The following DBF4 variants were observed in gnomAD, a reference collection of about 807,000 sequenced individuals.
DBF4 encodes the protein protein DBF4 homolog A.
In DBF4, 25 loss-of-function variants were observed where a neutral mutation model predicts 76.6. The observed-to-expected ratio is 0.33, with a 90% CI of 0.24 to 0.46. DBF4 has a LOEUF of 0.46. DBF4 is among the 20% of genes least tolerant of loss of function. The pLI, the probability that DBF4 is intolerant of heterozygous loss-of-function variation, is 1.00. For missense variants in DBF4, 638 were observed against 760.8 expected (o/e 0.84, Z 1.90); for synonymous variants, 213 against 258.0 (o/e 0.83, Z 1.67).
At chr7:87,906,709 T>C (rs997086434) in intron 11 of DBF4, among the ~76,000 whole-genome samples, 9 of 152,238 alleles carry the variant, frequency 5.9e-5, no homozygotes, top group Non-Finnish European at 1.3e-4. Context: ...TTAAAATATA[T>C]GTTTTTGCCA....
chr7:87,896,678 C>T (rs1839647781), intron 7 of DBF4, among the ~76,000 whole-genome samples, 168 bp downstream of exon 7: 1 of 152,118 alleles, frequency 6.6e-6, no homozygotes, highest in African/African-American at 2.4e-5. Flanking sequence ...ACCGCATTTT[C>T]AGAATGATGT....
At chr7:87,906,392 A>G (rs1020249798) in intron 11 of DBF4, among the ~76,000 whole-genome samples, 2 of 148,126 alleles carry the variant, frequency 1.4e-5, no homozygotes, top group South Asian at 2.3e-4. Context: ...AAGTAAATGT[A>G]TGAACAAGAT....
chr7:87,897,452 T>C, intron 8 of DBF4, 113 bp downstream of exon 8: 1 of 962,100 alleles, frequency 1.0e-6, no homozygotes, highest in South Asian at 1.6e-5. Flanking sequence ...GTTTGATTTA[T>C]ATTATACTAA....
intron 6 of DBF4, among the ~76,000 whole-genome samples, chr7:87,889,086 G>C (rs1215217764): frequency 6.6e-6 from 1 of 152,124 alleles, no homozygotes; most frequent in South Asian, 2.1e-4. Flanking sequence ...GGAAAAACCA[G>C]CATGTTAAGA....
Position 87,907,607 on chromosome 7 carries a change from T to C in DBF4, c.1469T>C (p.Val490Ala), listed in dbSNP as rs1274478544. The part of the protein sequence containing the change: ...DHYKCNIQAS[V>A]HVSDFSTDNS... ...TATAAATGTAACATACAGGCATCTGTACATGTTTCTGATTTCAGTACAGAT... is the reference window on the plus strand; with the variant it reads ...TATAAATGTAACATACAGGCATCTGCACATGTTTCTGATTTCAGTACAGAT... Residue 490 changes from valine (V) to alanine (A), a missense_variant, in exon 12 of 12, where the codon GTA becomes GCA. Coordinates refer to ENST00000265728, the MANE Select transcript of DBF4 (RefSeq NM_006716.4). 6.2e-7 allele frequency: 1 copy of C among 1,614,118 alleles called. No individual in the cohort carries two copies. Among genetic ancestry groups the C allele is most frequent in the Non-Finnish European group, 8.5e-7 (1 of 1,179,966 alleles).
In DBF4 at chr7:87,885,639, C is replaced by T. The variant is rs537835402; in HGVS notation, c.399+481C>T. Among the ~76,000 whole-genome samples, 5 of 152,242 alleles carry T rather than the reference C, an allele frequency of 3.3e-5. No individual in the cohort carries two copies. The South Asian group carries it at 1.0e-3, about 32-fold the overall frequency. ...TAGAAATTTTATGACATTCAGATTT[C>T]ATTGTCATAATGTTTTATTGGAACA... On this transcript the variant is annotated intron_variant, in intron 3 of 11. Transcript: ENST00000265728.
At chr7:87,890,488 C>T (rs901516519) in intron 6 of DBF4, among the ~76,000 whole-genome samples, 3 of 152,086 alleles carry the variant, frequency 2.0e-5, no homozygotes, top group African/African-American at 7.2e-5. Context: ...GCCGGGATCA[C>T]CCCCACTGCA....
At chr7:87,900,180 A>T in intron 8 of DBF4, 41 bp from the exon 9 acceptor site, 1 of 1,477,412 alleles carries the variant, frequency 6.8e-7, no homozygotes, top group Admixed American at 2.0e-5. Context: ...TTTTTCTTTA[A>T]TCATAAAGAA....
At chr7:87,905,651 A>G (rs1046482578) in intron 11 of DBF4, among the ~76,000 whole-genome samples, 3 of 152,244 alleles carry the variant, frequency 2.0e-5, no homozygotes, top group Non-Finnish European at 4.4e-5. Context: ...GTGATAACTC[A>G]TTAAGTTAGT....
At chr7:87,899,111 C>T (rs1403091088) in intron 8 of DBF4, among the ~76,000 whole-genome samples, 1 of 152,102 alleles carries the variant, frequency 6.6e-6, no homozygotes, top group Non-Finnish European at 1.5e-5. Flanking sequence ...GGACCAAAGA[C>T]CTAAAATGGT....
At chr7:87,884,573 C>T (rs925311953) in intron 2 of DBF4, among the ~76,000 whole-genome samples, 1 of 152,118 alleles carries the variant, frequency 6.6e-6, no homozygotes, top group Admixed American at 6.5e-5. Flanking sequence ...TGAGGCTGTT[C>T]CATAGATTAA....
At chr7:87,877,637 T>C (rs1255496681) in intron 1 of DBF4, among the ~76,000 whole-genome samples, 1 of 152,210 alleles carries the variant, frequency 6.6e-6, no homozygotes, top group African/African-American at 2.4e-5. Flanking sequence ...GAGGACTAGG[T>C]TATTCTGCGT....
intron 9 of DBF4, among the ~76,000 whole-genome samples, 156 bp from the exon 10 acceptor site, chr7:87,900,608 T>G (rs2131071195): frequency 6.6e-6 from 1 of 152,236 alleles, no homozygotes; most frequent in South Asian, 2.1e-4. Context: ...TTTAGTTTGC[T>G]TCTCAATATA....
chr7:87,895,248 G>A (rs1839604889), intron 6 of DBF4, among the ~76,000 whole-genome samples: 3 of 152,114 alleles, frequency 2.0e-5, no homozygotes, highest in East Asian at 1.9e-4. Flanking sequence ...TTTTTCTGCT[G>A]AGAATTTGTC....
chr7:87,876,967 C>G (rs1202362284), intron 1 of DBF4, among the ~76,000 whole-genome samples, 189 bp downstream of exon 1: 1 of 152,214 alleles, frequency 6.6e-6, no homozygotes, highest in Admixed American at 6.5e-5. Context: ...CCCGGCCCCT[C>G]GAGCGCTCTG....
intron 8 of DBF4, among the ~76,000 whole-genome samples, chr7:87,899,629 AAATT>A (rs1187093023): frequency 6.6e-6 from 1 of 152,254 alleles, no homozygotes; most frequent in Non-Finnish European, 1.5e-5. Flanking sequence ...GTCCATCAGC[AAATT>A]AATGGATAAA....
At chr7:87,901,867 A>G (rs1390059971) in intron 10 of DBF4, among the ~76,000 whole-genome samples, 1 of 152,230 alleles carries the variant, frequency 6.6e-6, no homozygotes, top group Non-Finnish European at 1.5e-5. Context: ...ATGGTGGGAA[A>G]GTTAAGGGGA....
intron 1 of DBF4, among the ~76,000 whole-genome samples, chr7:87,877,076 C>G (rs1033816549): frequency 6.6e-6 from 1 of 151,512 alleles, no homozygotes; most frequent in Non-Finnish European, 1.5e-5. Flanking sequence ...GACTGCGGCG[C>G]TGTCTGCTCC....
intron 6 of DBF4, among the ~76,000 whole-genome samples, chr7:87,894,509 C>T (rs953230663): frequency 1.2e-4 from 18 of 152,174 alleles, no homozygotes; most frequent in Admixed American, 3.9e-4. Flanking sequence ...GAAAATAGTC[C>T]TATTAACCCA....
Sources: gnomAD v4.1 joint callset for allele counts (sites outside exome capture counted in the v4.1 genomes callset) on GRCh38, gnomAD v4.1.1 for gene constraint, MANE v1.5 for transcripts, NCBI Gene and HGNC (gene_info 2026-07-23, HGNC 2026-07-21) for gene names.